The following LRBA variants were observed in gnomAD, a reference collection of about 807,000 sequenced individuals.
The protein encoded by LRBA is lipopolysaccharide-responsive and beige-like anchor protein.
LRBA carries 176 observed loss-of-function variants against 330.0 expected under a neutral mutation model. That is an observed-to-expected ratio of 0.53 (90% CI 0.47 to 0.60). The LOEUF (loss-of-function observed/expected upper bound fraction) is 0.60. LRBA is among the 20% of genes least tolerant of loss of function. The pLI, the probability that LRBA is intolerant of heterozygous loss-of-function variation, is 0.00. For missense variants in LRBA, 3,259 were observed against 3,444.8 expected, an observed-to-expected ratio of 0.95 and a Z score of 1.35; for synonymous variants, 1,230 against 1,193.0, an observed-to-expected ratio of 1.03 and a Z score of -0.64.
chr4:150,740,622 C>A (rs1731813815), intron 35 of LRBA, among the ~76,000 whole-genome samples: 1 of 131,430 alleles, frequency 7.6e-6, no homozygotes, highest in African/African-American at 2.8e-5. Flanking sequence ...TAGAATTCTG[C>A]ATGTCAAACA....
At chr4:150,721,859 C>T (rs1435386161) in intron 36 of LRBA, among the ~76,000 whole-genome samples, 4 of 152,102 alleles carry the variant, frequency 2.6e-5, no homozygotes, top group South Asian at 2.1e-4. Context: ...TCAAGTGATC[C>T]GCCCACCTTG....
intron 35 of LRBA, among the ~76,000 whole-genome samples, chr4:150,742,508 C>T (rs1732149436): frequency 6.6e-6 from 1 of 152,048 alleles, no homozygotes; most frequent in South Asian, 2.1e-4. Flanking sequence ...AAAATGCCCA[C>T]CTACAAAAGT....
At chr4:150,987,415 T>A (rs1339318636) in intron 2 of LRBA, among the ~76,000 whole-genome samples, 1 of 152,134 alleles carries the variant, frequency 6.6e-6, no homozygotes, top group Non-Finnish European at 1.5e-5. Context: ...AGTCAGCAAG[T>A]TCATTCAGGC....
At chr4:150,510,249 A>G (rs539554670) in intron 40 of LRBA, among the ~76,000 whole-genome samples, 33 of 152,294 alleles carry the variant, frequency 2.2e-4, no homozygotes, top group South Asian at 6.2e-4. Flanking sequence ...AAATCTTCCC[A>G]AAAAGTAAAC....
At chr4:150,561,392 G>A (rs1466748287) in intron 40 of LRBA, among the ~76,000 whole-genome samples, 7 of 152,082 alleles carry the variant, frequency 4.6e-5, no homozygotes, top group Non-Finnish European at 1.5e-5. Flanking sequence ...TACCATAAAA[G>A]GCAAAGAGGA....
intron 55 of LRBA, among the ~76,000 whole-genome samples, chr4:150,281,726 T>C (rs1397978544): frequency 6.6e-6 from 1 of 152,166 alleles, no homozygotes; most frequent in Non-Finnish European, 1.5e-5. Context: ...CCCAGCTTTA[T>C]TTTACTTTAA....
At chr4:150,744,754 C>T (rs1732466956) in intron 35 of LRBA, among the ~76,000 whole-genome samples, 1 of 152,204 alleles carries the variant, frequency 6.6e-6, no homozygotes, top group East Asian at 1.9e-4. Context: ...CTAATGTGAC[C>T]TCCAGTGAGT....
chr4:150,456,846 A>G (rs1754140708), intron 44 of LRBA, among the ~76,000 whole-genome samples: 1 of 152,010 alleles, frequency 6.6e-6, no homozygotes, highest in African/African-American at 2.4e-5. Flanking sequence ...TGATTTTTGT[A>G]TATGGTTAGA....
At chr4:150,998,972 C>G (rs896967835) in intron 2 of LRBA, among the ~76,000 whole-genome samples, 1 of 152,222 alleles carries the variant, frequency 6.6e-6, no homozygotes, top group African/African-American at 2.4e-5. Context: ...ATCACACATT[C>G]ATCACTTCGT....
At chr4:150,645,282 A>G (rs1196136551) in intron 37 of LRBA, among the ~76,000 whole-genome samples, 1 of 151,670 alleles carries the variant, frequency 6.6e-6, no homozygotes, top group Non-Finnish European at 1.5e-5. Context: ...TACTGAAGAC[A>G]TAATAATGTT....
At chr4:150,578,621 C>A (rs1770834303) in intron 40 of LRBA, among the ~76,000 whole-genome samples, 1 of 152,256 alleles carries the variant, frequency 6.6e-6, no homozygotes, top group Admixed American at 6.5e-5. Context: ...CAACCTGACT[C>A]AATTTTTTGA....
At chr4:150,650,096 T>C (rs747807675) in intron 37 of LRBA, among the ~76,000 whole-genome samples, 2 of 152,182 alleles carry the variant, frequency 1.3e-5, no homozygotes, top group Admixed American at 6.5e-5. Context: ...TTGTTTTCAC[T>C]GGCCAATACT....
At chr4:150,325,361 C>T (rs1163579938) in intron 49 of LRBA, among the ~76,000 whole-genome samples, 1 of 152,196 alleles carries the variant, frequency 6.6e-6, no homozygotes, top group Admixed American at 6.6e-5. Flanking sequence ...TTTCTCCTCA[C>T]TGTGGTCCCT....
intron 40 of LRBA, among the ~76,000 whole-genome samples, chr4:150,531,466 T>C (rs1463860558): frequency 6.6e-6 from 1 of 152,212 alleles, no homozygotes; most frequent in Non-Finnish European, 1.5e-5. Flanking sequence ...CATTATTGCT[T>C]TCCTTTGTCC....
rs567757669 is a variant in LRBA, at chr4:150,630,379, T to C, written c.5922-31248A>G. Among the ~76,000 whole-genome samples the C allele has an allele frequency of 5.3e-5, 8 of 152,344 alleles. No individual in the cohort carries two copies. In the South Asian group the frequency reaches 1.0e-3, roughly 20 times the overall value. ...TTACAGCAGCGATGCCCAAAGGGGA[T>C]ACATAACATAATTCATCTGGATGTT... On this transcript the variant is annotated intron_variant, in intron 37 of 56. Coordinates refer to ENST00000651943, the MANE Select transcript of LRBA (RefSeq NM_001364905.1).
chr4:150,818,031 A>G (rs1446642918), intron 30 of LRBA, among the ~76,000 whole-genome samples: 1 of 152,132 alleles, frequency 6.6e-6, no homozygotes, highest in Non-Finnish European at 1.5e-5. Context: ...GGTGTTAACC[A>G]TAAGCCCAAA....
At chr4:150,827,033 G>A (rs553420624) in intron 30 of LRBA, among the ~76,000 whole-genome samples, 90 of 152,296 alleles carry the variant, frequency 5.9e-4, no homozygotes, top group African/African-American at 2.0e-3. Flanking sequence ...AAGGTGAGGG[G>A]TGAAGGGTTT....
chr4:150,348,897 C>G (rs970846970), intron 48 of LRBA, among the ~76,000 whole-genome samples: 2 of 152,126 alleles, frequency 1.3e-5, no homozygotes. Context: ...CTGTGTCATA[C>G]AGTCAATTGA....
intron 22 of LRBA, among the ~76,000 whole-genome samples, chr4:150,860,419 A>C (rs1751749279): frequency 6.6e-6 from 1 of 152,210 alleles, no homozygotes; most frequent in South Asian, 2.1e-4. Context: ...TGAATACTAA[A>C]ACTTAAGTCA....
Sources: allele counts gnomAD v4.1 joint callset (sites outside exome capture counted in the v4.1 genomes callset), GRCh38; gene constraint gnomAD v4.1.1; transcripts MANE v1.5; gene names NCBI Gene and HGNC (gene_info 2026-07-23, HGNC 2026-07-21).